The following SMAD1 variants were observed in gnomAD, a reference collection of about 807,000 sequenced individuals.
The protein encoded by SMAD1 is MAD, mothers against decapentaplegic homolog 1.
In SMAD1, 6 loss-of-function variants were observed where a neutral mutation model predicts 41.6. That is an observed-to-expected ratio of 0.14 (90% CI 0.08 to 0.28). SMAD1 has a LOEUF of 0.28. Among genes scored for constraint, SMAD1 ranks in the 10% least tolerant of loss-of-function variants. SMAD1 has a pLI of 1.00. For missense variants in SMAD1, 379 were observed against 582.6 expected (o/e 0.65, Z 3.60); for synonymous variants, 206 against 203.2 (o/e 1.01, Z -0.12).
intron 4 of SMAD1, chr4:145,545,284 A>T (rs940357724): frequency 6.6e-6 from 1 of 152,220 alleles, no homozygotes; most frequent in African/African-American, 2.4e-5. Flanking sequence ...CTGGCCTTTC[A>T]CAGAAAAAAT....
rs143589522 is a variant in SMAD1 at position 145,549,473 on chromosome 4, G to A, written c.997+2549G>A. Among the ~76,000 whole-genome samples the A allele has an allele frequency of 2.0e-4, 30 of 152,240 alleles. No individual in the cohort carries two copies. In the East Asian group the frequency reaches 2.7e-3, roughly 14 times the overall value. ...CATACAGACAGACACACACATGCAC[G>A]GTGCGTGTGCAGCAGCAGTGGGGAA... On this transcript the variant is annotated intron_variant, in intron 5 of 6. Coordinates refer to ENST00000302085, the MANE Select transcript of SMAD1 (RefSeq NM_005900.3).
At chr4:145,543,531 G>C (rs1161190753) in intron 4 of SMAD1, among the ~76,000 whole-genome samples, 3 of 152,208 alleles carry the variant, frequency 2.0e-5, no homozygotes, top group African/African-American at 7.2e-5. Flanking sequence ...TGAGGCACAA[G>C]TTTTTCCCCT....
rs973432572 is a variant in SMAD1, at chr4:145,540,013, C to G, written c.610C>G (p.Pro204Ala). 5 of 1,614,004 alleles carry G rather than the reference C, an allele frequency of 3.1e-6. No individual in the cohort carries two copies. The Admixed American group carries it at 8.3e-5, about 27-fold the overall frequency. The change falls in exon 3 of 7, where the codon CCT becomes GCT. Residue 204 changes from proline (P) to alanine (A), a missense_variant. By Grantham distance (27) the Pro-to-Ala change is conservative. Around this residue, in one of 3 missense-constraint regions of SMAD1, gnomAD observed 208 missense variants for 210.5 expected, o/e 0.99. Coordinates refer to ENST00000302085, the MANE Select transcript of SMAD1 (RefSeq NM_005900.3). Reference sequence around the variant, plus strand: ...TCCTGGGAGCAGCAGCAGCACCTACCCTCACTCTCCCACCAGCTCAGACCC... The same window carrying G: ...TCCTGGGAGCAGCAGCAGCACCTACGCTCACTCTCCCACCAGCTCAGACCC... The part of the protein sequence containing the change: ...NSPGSSSSTY[P>A]HSPTSSDPGS...
intron 2 of SMAD1, among the ~76,000 whole-genome samples, chr4:145,532,128 C>A (rs1319627372): frequency 2.0e-5 from 3 of 152,200 alleles, no homozygotes; most frequent in African/African-American, 7.2e-5. Flanking sequence ...TGTACCTTAG[C>A]AACGCTGAAA....
At chr4:145,485,040 C>T (rs2126926400) in intron 1 of SMAD1, among the ~76,000 whole-genome samples, 2 of 152,252 alleles carry the variant, frequency 1.3e-5, no homozygotes, top group East Asian at 1.9e-4. Flanking sequence ...CTATCCTAGC[C>T]ATAGTCACAC....
At chr4:145,508,169 T>C (rs1729891233) in intron 1 of SMAD1, among the ~76,000 whole-genome samples, 1 of 151,752 alleles carries the variant, frequency 6.6e-6, no homozygotes, top group African/African-American at 2.4e-5. Flanking sequence ...GTAGATCTAA[T>C]AATGCTAATT....
At chr4:145,501,681 T>C (rs1012219457) in intron 1 of SMAD1, among the ~76,000 whole-genome samples, 1 of 151,938 alleles carries the variant, frequency 6.6e-6, no homozygotes, top group African/African-American at 2.4e-5. Flanking sequence ...CCTCCTGTAG[T>C]TGATTCCATT....
intron 2 of SMAD1, among the ~76,000 whole-genome samples, chr4:145,516,262 AT>A (rs1197052247): frequency 1.3e-5 from 2 of 152,184 alleles, no homozygotes; most frequent in African/African-American, 2.4e-5. Context: ...ATATTTAAAA[AT>A]GTTACATAAT....
chr4:145,518,591 G>C (rs969364649), intron 2 of SMAD1, among the ~76,000 whole-genome samples: 5 of 125,730 alleles, frequency 4.0e-5, no homozygotes, highest in African/African-American at 1.3e-4. Flanking sequence ...TATTGTTTTT[G>C]TGAAATCAGA....
At chr4:145,535,814 G>T (rs1256247321) in intron 2 of SMAD1, among the ~76,000 whole-genome samples, 1 of 151,568 alleles carries the variant, frequency 6.6e-6, no homozygotes, top group Non-Finnish European at 1.5e-5. Context: ...ATGAGAGAGG[G>T]GAACTCCTAA....
In SMAD1 at chr4:145,554,058, C is replaced by T. The variant is rs1196812171; in HGVS notation, c.1254+18C>T. On this transcript the variant is annotated intron_variant, in intron 6 of 6. Transcript: ENST00000302085. The stretch of plus-strand genomic sequence containing the variant: ...TTGTGAAGGTAAGTGAGCTCCGACT[C>T]CTCCATTTAGGGCCTAACATACTTT... 1.9e-6 allele frequency: 3 copies of T among 1,601,442 alleles called. No homozygotes were observed. Among genetic ancestry groups the T allele is most frequent in the African/African-American group, 1.3e-5 (1 of 74,264 alleles).
chr4:145,483,676 A>G (rs1728319430), intron 1 of SMAD1, among the ~76,000 whole-genome samples: 1 of 152,122 alleles, frequency 6.6e-6, no homozygotes, highest in Non-Finnish European at 1.5e-5. Flanking sequence ...GTGGTGTATC[A>G]TTGGTGTAAT....
At chr4:145,505,901 A>G (rs964251597) in intron 1 of SMAD1, among the ~76,000 whole-genome samples, 9 of 151,858 alleles carry the variant, frequency 5.9e-5, no homozygotes, top group Non-Finnish European at 7.4e-5. Flanking sequence ...CTGGAGTGCA[A>G]TGGCACAATC....
At chr4:145,537,024 T>C (rs1051858258) in intron 2 of SMAD1, among the ~76,000 whole-genome samples, 1 of 152,008 alleles carries the variant, frequency 6.6e-6, no homozygotes, top group African/African-American at 2.4e-5. Flanking sequence ...TATTCAAAAA[T>C]GTCAGTAGCA....
intron 2 of SMAD1, among the ~76,000 whole-genome samples, chr4:145,531,057 CTTATA>C (rs1379407083): frequency 1.3e-5 from 2 of 152,202 alleles, no homozygotes; most frequent in East Asian, 1.9e-4. Flanking sequence ...CCCAGTGAAC[CTTATA>C]TTATAGACCC....
At chr4:145,528,090 C>T (rs1054335654) in intron 2 of SMAD1, among the ~76,000 whole-genome samples, 3 of 147,052 alleles carry the variant, frequency 2.0e-5, no homozygotes, top group African/African-American at 7.7e-5. Flanking sequence ...CACACACACA[C>T]ACATACACAC....
chr4:145,526,566 A>C (rs1578792605), intron 2 of SMAD1, among the ~76,000 whole-genome samples: 2 of 151,330 alleles, frequency 1.3e-5, no homozygotes, highest in Admixed American at 1.3e-4. Flanking sequence ...TGTCACAAGG[A>C]CCCAGAGGCC....
chr4:145,520,666 G>T (rs542544896), intron 2 of SMAD1, among the ~76,000 whole-genome samples: 334 of 152,304 alleles, frequency 2.2e-3, no homozygotes, highest in Non-Finnish European at 3.6e-3. Context: ...AACAAGATGG[G>T]ATAAGTTGTC....
chr4:145,557,819 A>G lies in SMAD1; in HGVS notation c.1283A>G (p.Asp428Gly). The change falls in exon 7 of 7, where the codon GAT becomes GGT. Residue 428 changes from aspartate (D) to glycine (G), a missense_variant. This residue lies in a region of SMAD1 where 107 missense variants were observed against 218.3 expected (regional missense o/e 0.49). Coordinates refer to ENST00000302085, the MANE Select transcript of SMAD1 (RefSeq NM_005900.3). ...KGWGAEYHRQ[D>G]VTSTPCWIEI... ...TGGGGAGCAGAATACCACCGCCAGG[A>G]TGTTACTAGCACCCCCTGCTGGATT... is the stretch of plus-strand genomic sequence containing the variant. The G allele has an allele frequency of 6.2e-7, 1 of 1,609,990 alleles. No homozygotes were observed. Among genetic ancestry groups the G allele is most frequent in the Non-Finnish European group, 8.5e-7 (1 of 1,177,388 alleles).
Sources: gnomAD v4.1 joint callset for allele counts (sites outside exome capture counted in the v4.1 genomes callset) on GRCh38, gnomAD v4.1.1 for gene constraint, gnomAD v4.1.1 regional missense constraint, MANE v1.5 for transcripts, NCBI Gene and HGNC (gene_info 2026-07-23, HGNC 2026-07-21) for gene names.